Variants in RSPH10B observed in about 807,000 individuals in gnomAD.
The protein encoded by RSPH10B is radial spoke head 10 homolog B (Chlamydomonas).
Under a neutral mutation model 52.5 loss-of-function variants are expected in RSPH10B, and 7 were observed. The observed-to-expected ratio is 0.13, with a 90% confidence interval of 0.08 to 0.25. The LOEUF (loss-of-function observed/expected upper bound fraction) is 0.25, where lower values mean the gene tolerates loss of function less well. RSPH10B is among the 10% of genes least tolerant of loss of function. The probability of loss-of-function intolerance (pLI) is 1.00; values close to 1 mark genes in which losing one functional copy is unlikely to be tolerated. For synonymous variants in RSPH10B, 28 were observed against 193.2 expected (o/e 0.14, Z 7.09); for missense variants, 89 against 542.5 (o/e 0.16, Z 8.30).
At chr7:5,944,734 G>GCACCT (rs1780400892) in intron 11 of RSPH10B, among the ~76,000 whole-genome samples, 1 of 146,622 alleles carries the variant, frequency 6.8e-6, no homozygotes, top group Non-Finnish European at 1.5e-5. Context: ...TGAGGCAGGT[G>GCACCT]GATCACCTGA....
intron 18 of RSPH10B, among the ~76,000 whole-genome samples, chr7:5,927,084 G>GTATATATA (rs1164900886): frequency 1.9e-5 from 2 of 106,542 alleles, no homozygotes; most frequent in Non-Finnish European, 1.9e-5. Flanking sequence ...GTGTGTGTGT[G>GTATATATA]TGTGTGTGTG....
chr7:5,944,696 C>T (rs376548623), intron 11 of RSPH10B, among the ~76,000 whole-genome samples: 20,063 of 144,040 alleles, frequency 0.14, 912 homozygotes, highest in Admixed American at 0.25. Context: ...TGGTGGCTCA[C>T]GCCTGTAATC....
rs572296029 is a variant in RSPH10B at position 5,938,358 on chromosome 7, G to A, written c.1866+364C>T. Among the ~76,000 whole-genome samples the A allele has an allele frequency of 1.3e-4, 15 of 119,448 alleles. 1 individual carries two copies. Among genetic ancestry groups the A allele is most frequent in the African/African-American group, 3.5e-4 (12 of 34,056 alleles). 78.4% of individuals were successfully genotyped at this position (119,448 alleles called of 152,430 possible). ...CGAGGCAGGTGGATCACGAGGTCAG[G>A]AGATCAAGACCATCCTGGCTAACAC... On this transcript the variant is annotated intron_variant, in intron 14 of 18. Coordinates refer to ENST00000337579, the Ensembl canonical transcript of RSPH10B.
chr7:5,961,282 A>G (rs1780932214), intron 3 of RSPH10B, among the ~76,000 whole-genome samples: 1 of 143,100 alleles, frequency 7.0e-6, no homozygotes, highest in South Asian at 2.1e-4. Context: ...GAGGCCGGGA[A>G]TTTGAGGCCA....
At chr7:5,961,259 G>A (rs1400869544) in intron 3 of RSPH10B, among the ~76,000 whole-genome samples, 4 of 142,218 alleles carry the variant, frequency 2.8e-5, no homozygotes, top group Admixed American at 7.1e-5. Context: ...AGACTGAGGC[G>A]GGAGGACTGC....
chr7:5,938,306 G>A lies in RSPH10B; in HGVS notation c.1867-405C>T, dbSNP rs1467351100. On this transcript the variant is annotated intron_variant, in intron 14 of 18. Coordinates refer to ENST00000337579, the Ensembl canonical transcript of RSPH10B. Reference sequence around the variant, plus strand: ...CTGAAGGCTGGGCGCGGTGGCTCATGCCTGTAATCCCAGCACTTTGGGAGG... The same window carrying A: ...CTGAAGGCTGGGCGCGGTGGCTCATACCTGTAATCCCAGCACTTTGGGAGG... Among the ~76,000 whole-genome samples the A allele has an allele frequency of 2.7e-5, 3 of 109,944 alleles. 1 individual carries two copies. The Admixed American group carries it at 2.8e-4, about 10-fold the overall frequency. 72.1% of individuals were successfully genotyped at this position (109,944 alleles called of 152,430 possible). A position where few individuals can be genotyped will look rare whatever the true frequency, so the allele number is the denominator to read the frequency against.
chr7:5,964,052 C>G (rs1203411399), intron 3 of RSPH10B, among the ~76,000 whole-genome samples: 9 of 150,072 alleles, frequency 6.0e-5, no homozygotes, highest in African/African-American at 1.7e-4. Context: ...TGCACTACAG[C>G]CTGGGTGACA....
rs1226996199 is a variant in RSPH10B, at chr7:5,955,059, A to G, written c.957+946T>C. 1.7e-4 allele frequency among the ~76,000 whole-genome samples: 23 copies of G among 134,994 alleles called. 1 individual carries two copies. Among genetic ancestry groups the G allele is most frequent in the Non-Finnish European group, 3.5e-4 (22 of 63,204 alleles). 88.6% of individuals were successfully genotyped at this position (134,994 alleles called of 152,430 possible). A position where few individuals can be genotyped will look rare whatever the true frequency, so the allele number is the denominator to read the frequency against. On this transcript the variant is annotated intron_variant, in intron 7 of 18. Transcript: ENST00000337579. ...GCACACCTGTAATCCCAGCTACTCT[A>G]GTGGCTGAGGCACAAGAATCACTTG...
At chr7:5,927,667 G>A (rs1779573133) in intron 18 of RSPH10B, among the ~76,000 whole-genome samples, 1 of 146,606 alleles carries the variant, frequency 6.8e-6, no homozygotes, top group Non-Finnish European at 1.5e-5. Flanking sequence ...TGCATGCAGT[G>A]ACTCACCCCT....
chr7:5,947,958 GCCTCCTGGGTC>G (rs1780500412), intron 10 of RSPH10B, among the ~76,000 whole-genome samples: 1 of 53,328 alleles, frequency 1.9e-5, no homozygotes, highest in Admixed American at 2.0e-4. Flanking sequence ...TGCAACCTCC[GCCTCCTGGGTC>G]CAAGCGATTC....
At chr7:5,944,026 T>C (rs754853169) in intron 11 of RSPH10B, 36 bp from the exon 14 acceptor site, 1 of 1,609,192 alleles carries the variant, frequency 6.2e-7, no homozygotes, top group African/African-American at 1.4e-5. Flanking sequence ...TAGTTACTTC[T>C]CCTCCAAAAG....
intron 3 of RSPH10B, among the ~76,000 whole-genome samples, 194 bp from the exon 6 acceptor site, chr7:5,961,058 T>G (rs1319507544): frequency 1.1e-5 from 1 of 89,448 alleles, no homozygotes; most frequent in African/African-American, 4.7e-5. Context: ...CTCTCTCATC[T>G]GACCCGACCA....
At chr7:5,956,676 C>T (rs1780737816) in intron 6 of RSPH10B, among the ~76,000 whole-genome samples, 1 of 150,760 alleles carries the variant, frequency 6.6e-6, no homozygotes, top group Admixed American at 6.7e-5. Context: ...TCAAGTGATC[C>T]TCCCACCTCA....
intron 13 of RSPH10B, among the ~76,000 whole-genome samples, chr7:5,941,851 G>T (rs189927764): frequency 6.8e-6 from 1 of 146,122 alleles, no homozygotes; most frequent in Non-Finnish European, 1.5e-5. Context: ...TTCCTTTTTC[G>T]ATAAACTGTA....
chr7:5,941,693 G>GTGAGCCA (rs1562565858), intron 13 of RSPH10B, among the ~76,000 whole-genome samples: 1 of 138,708 alleles, frequency 7.2e-6, no homozygotes, highest in African/African-American at 2.6e-5. Context: ...GCAGTGAGCC[G>GTGAGCCA]AGACCTCACC....
At chr7:5,939,959 G>A (rs1224550800) in intron 13 of RSPH10B, among the ~76,000 whole-genome samples, 23 of 103,836 alleles carry the variant, frequency 2.2e-4, no homozygotes, top group African/African-American at 7.0e-4. Context: ...CACTTTGGGA[G>A]GCCGAGGCAG....
intron 5 of RSPH10B, 68 bp downstream of exon 7, chr7:5,958,925 G>A (rs1780831938): frequency 1.2e-5 from 16 of 1,375,530 alleles, no homozygotes; most frequent in Admixed American, 1.8e-5. Context: ...AAATATCCGA[G>A]GTGAACGCTA....
chr7:5,941,988 G>A (rs1480556272), intron 13 of RSPH10B, among the ~76,000 whole-genome samples: 1 of 149,066 alleles, frequency 6.7e-6, no homozygotes, highest in Non-Finnish European at 1.5e-5. Flanking sequence ...GGCCTCCCAG[G>A]TTCAAGCAAT....
chr7:5,942,880 AAT>A (rs1280818437), intron 13 of RSPH10B, among the ~76,000 whole-genome samples: 1 of 140,494 alleles, frequency 7.1e-6, no homozygotes, highest in African/African-American at 2.6e-5. Context: ...TAAAATTAAA[AAT>A]ATATATATAT....
Sources: gnomAD v4.1 joint callset for allele counts (sites outside exome capture counted in the v4.1 genomes callset) on GRCh38, gnomAD v4.1.1 for gene constraint, MANE v1.5 for transcripts, NCBI Gene and HGNC (gene_info 2026-07-23, HGNC 2026-07-21) for gene names.